CEP192: variants seen among roughly 807,000 people sequenced by gnomAD.
CEP192 encodes the protein centrosomal protein 192.
Under a neutral mutation model 271.8 loss-of-function variants are expected in CEP192, and 151 were observed. The ratio of observed to expected loss-of-function variants is 0.56; its 90% confidence interval spans 0.49 to 0.64. The LOEUF (loss-of-function observed/expected upper bound fraction) is 0.64. CEP192 is among the 30% of genes least tolerant of loss of function. CEP192 has a pLI of 0.00. For synonymous variants in CEP192, 995 were observed against 1,076.5 expected (o/e 0.92, Z 1.48); for missense variants, 2,910 against 3,020.5 (o/e 0.96, Z 0.86).
rs2034115724 is a variant in CEP192 at position 13,008,437 on chromosome 18, C to G, written c.291-19C>G. ...AGGTAACTAACATTTTATCATTCTTCTGTTTCCTAATAAAAAAGTTCTATC... is the reference window on the plus strand; with the variant it reads ...AGGTAACTAACATTTTATCATTCTTGTGTTTCCTAATAAAAAAGTTCTATC... On this transcript the variant is annotated intron_variant, in intron 3 of 44. Transcript: ENST00000506447. 6.7e-7 allele frequency: 1 copy of G among 1,483,018 alleles called. No individual in the cohort carries two copies. Among genetic ancestry groups the G allele is most frequent in the Non-Finnish European group, 9.1e-7 (1 of 1,093,630 alleles). 91.9% of individuals were successfully genotyped at this position (1,483,018 alleles called of 1,614,324 possible).
intron 40 of CEP192, among the ~76,000 whole-genome samples, chr18:13,105,807 A>T (rs914275053): frequency 1.3e-5 from 2 of 152,232 alleles, no homozygotes; most frequent in Non-Finnish European, 2.9e-5. Context: ...ACAGAAGCAA[A>T]GCAGAAGAAC....
rs746520057 is a variant in CEP192 at position 13,049,646 on chromosome 18, T to C, written c.2855T>C (p.Phe952Ser). The C allele has an allele frequency of 1.9e-6, 3 of 1,612,396 alleles. No homozygotes were observed. Among genetic ancestry groups the C allele is most frequent in the East Asian group, 2.2e-5 (1 of 44,858 alleles). Reference protein sequence around the residue: ...EISNSEKHVTFENHRIVSPKN... With the variant: ...EISNSEKHVTSENHRIVSPKN... ...AGCAACAGTGAGAAGCATGTGACTT[T>C]TGAAAACCATCGCATAGTCTCACCT... The change falls in exon 16 of 45, where the codon TTT (phenylalanine) becomes TCT (serine). Residue 952 changes from phenylalanine (F) to serine (S), a missense_variant. By Grantham distance (155) the Phe-to-Ser change is radical. Coordinates refer to ENST00000506447, the MANE Select transcript of CEP192 (RefSeq NM_032142.4).
At chr18:13,101,437 A>C (rs192353888) in intron 38 of CEP192, among the ~76,000 whole-genome samples, 26 of 152,218 alleles carry the variant, frequency 1.7e-4, no homozygotes, top group Non-Finnish European at 3.7e-4. Context: ...ATGGTGATAT[A>C]TGTACAGCAG....
rs761761327 is a variant in CEP192 at position 13,114,174 on chromosome 18, G to T, written c.7212G>T (p.Thr2404=). The change falls in exon 42 of 45, where the codon ACG becomes ACT. Residue 2404 remains threonine (T), a synonymous_variant. Transcript: ENST00000506447. ...AGCCTGAAAACGCATGCCTTTCCAC[G>T]GATTCCCTCATTAAAATAGATCATT... ...ENEPENACLS[T]DSLIKIDHLV... is the part of the protein sequence containing the mutation. 4 of 1,613,834 alleles carry T rather than the reference G, an allele frequency of 2.5e-6. No homozygotes were observed.
rs1426658911 is a variant in CEP192 at position 13,053,088 on chromosome 18, A to C, written c.3187A>C (p.Lys1063Gln). 6.3e-7 allele frequency: 1 copy of C among 1,599,878 alleles called. No individual in the cohort carries two copies. The highest frequency in any genetic ancestry group is 8.5e-7 in the Non-Finnish European group (1 of 1,173,288). Residue 1063 changes from lysine (K) to glutamine (Q), a missense_variant and splice_region_variant, in exon 18 of 45, where the codon AAG (lysine) becomes CAG (glutamine). Physicochemically the swap from Lys to Gln is moderately conservative, Grantham distance 53. Transcript: ENST00000506447. ...TATDDALEDR[K>Q]SDITSELSTT... ...CACAGATGATGCCCTGGAGGACCGC[A>C]AGGTGGGCAGCCACTTGGATTATTT... is the stretch of plus-strand genomic sequence containing the variant.
rs557246277 is a variant in CEP192 at position 13,066,220 on chromosome 18, C to T, written c.4489-1611C>T. Among the ~76,000 whole-genome samples the T allele has an allele frequency of 5.3e-5, 8 of 152,316 alleles. No individual in the cohort carries two copies. The South Asian group carries it at 1.7e-3, about 32-fold the overall frequency. On this transcript the variant is annotated intron_variant, in intron 21 of 44. Coordinates refer to ENST00000506447, the MANE Select transcript of CEP192 (RefSeq NM_032142.4). ...ACAGTTTTTACAGTCCCAACATTAACATTGTTAACAGATTTATCAAGCTAT... is the reference window on the plus strand; with the variant it reads ...ACAGTTTTTACAGTCCCAACATTAATATTGTTAACAGATTTATCAAGCTAT...
chr18:13,002,446 A>G (rs754263510), intron 3 of CEP192, among the ~76,000 whole-genome samples: 2 of 152,190 alleles, frequency 1.3e-5, no homozygotes, highest in Non-Finnish European at 2.9e-5. Context: ...CAGTTTTGCT[A>G]TTATAAAGGT....
At chr18:13,013,089 C>A in intron 5 of CEP192, 64 bp downstream of exon 5, 1 of 785,758 alleles carries the variant, frequency 1.3e-6, no homozygotes, top group South Asian at 1.8e-5. Context: ...TTTCATATTT[C>A]GCATATATAA....
Position 13,040,757 on chromosome 18 carries a change from T to C in CEP192, c.1810-73T>C, listed in dbSNP as rs2036157669. ...TGTCATTTAGCTGTTTTACCACTAT[T>C]AGATAAAACAGTCTAGAATTTCTCA... On this transcript the variant is annotated intron_variant, in intron 13 of 44. Transcript: ENST00000506447. 4 of 1,212,090 alleles carry C rather than the reference T, an allele frequency of 3.3e-6. No homozygotes were observed. The South Asian group carries it at 6.1e-5, about 18-fold the overall frequency. The allele number at this position is 1,212,090 out of a possible 1,614,324, so 75.1% of individuals were successfully genotyped here.
intron 33 of CEP192, among the ~76,000 whole-genome samples, chr18:13,090,997 C>G (rs1484291439): frequency 6.6e-6 from 1 of 152,138 alleles, no homozygotes; most frequent in Non-Finnish European, 1.5e-5. Flanking sequence ...ACACTGGATG[C>G]AGAGGTACTG....
In CEP192 at chr18:13,089,515, A is replaced by G. The variant is rs2039046451; in HGVS notation, c.6053A>G (p.Gln2018Arg). 4 of 1,607,032 alleles carry G rather than the reference A, an allele frequency of 2.5e-6. No individual in the cohort carries two copies. The South Asian group carries it at 4.4e-5, about 18-fold the overall frequency. Residue 2018 changes from glutamine to arginine, a missense_variant, in exon 33 of 45, where the codon CAA becomes CGA. By Grantham distance (43) the Gln-to-Arg change is conservative (BLOSUM62 1). Transcript: ENST00000506447. ...ATACTTCCAGAACATAGTGTGCTTC[A>G]AAACATTAATTTTGTTGAAGCATTT... ...KQILPEHSVL[Q>R]NINFVEAFQD...
At position 13,056,609 on chromosome 18, in the gene CEP192, T is replaced by C; in HGVS notation, c.4019T>C (p.Leu1340Pro). The change falls in exon 19 of 45, where the codon CTG (leucine) becomes CCG (proline). Residue 1340 changes from leucine (L) to proline (P), a missense_variant. Transcript: ENST00000506447. ...TATTCTAATACCTTAAATCAGAACC[T>C]GCTAAGCACAACAAAACCTTTTCCT... is the stretch of plus-strand genomic sequence containing the variant. Reference protein sequence around the residue: ...NPYSNTLNQNLLSTTKPFPVP... With the variant: ...NPYSNTLNQNPLSTTKPFPVP... 6.2e-7 allele frequency: 1 copy of C among 1,614,222 alleles called. No individual in the cohort carries two copies. Among genetic ancestry groups the C allele is most frequent in the Non-Finnish European group, 8.5e-7 (1 of 1,180,030 alleles).
At chr18:13,084,446 T>C (rs1036637809) in intron 30 of CEP192, among the ~76,000 whole-genome samples, 4 of 152,068 alleles carry the variant, frequency 2.6e-5, no homozygotes, top group Non-Finnish European at 5.9e-5. Context: ...CGGGATAAAA[T>C]CTCCTGGTGT....
chr18:13,075,889 C>T (rs913036910), intron 30 of CEP192, among the ~76,000 whole-genome samples: 2 of 152,288 alleles, frequency 1.3e-5, no homozygotes, highest in Admixed American at 1.3e-4. Flanking sequence ...GCAGAGCCCA[C>T]GTTTATGTAT....
At chr18:13,018,653 T>C in intron 8 of CEP192, 38 bp downstream of exon 8, 30 of 1,369,214 alleles carry the variant, frequency 2.2e-5, no homozygotes, top group Non-Finnish European at 2.9e-5. Context: ...TCTTAAGTTC[T>C]AGTTTTGACT....
intron 6 of CEP192, among the ~76,000 whole-genome samples, chr18:13,016,870 G>A (rs1335876330): frequency 2.0e-5 from 3 of 151,882 alleles, no homozygotes; most frequent in Non-Finnish European, 2.9e-5. Context: ...GTAACCATTT[G>A]CCACACCATT....
At chr18:13,123,124 A>G (rs1385080327) in intron 44 of CEP192, among the ~76,000 whole-genome samples, 1 of 152,134 alleles carries the variant, frequency 6.6e-6, no homozygotes, top group Non-Finnish European at 1.5e-5. Context: ...TTTTGGGGCT[A>G]TTTTATTATT....
At chr18:13,118,140 A>G (rs1384925495) in intron 44 of CEP192, among the ~76,000 whole-genome samples, 1 of 152,016 alleles carries the variant, frequency 6.6e-6, no homozygotes, top group Non-Finnish European at 1.5e-5. Context: ...GCTCTTGCTA[A>G]TTTTCTTTTC....
At chr18:13,060,659 A>G (rs1057430606) in intron 21 of CEP192, among the ~76,000 whole-genome samples, 2 of 152,198 alleles carry the variant, frequency 1.3e-5, no homozygotes, top group Admixed American at 6.5e-5. Flanking sequence ...GCACTGGCAC[A>G]CACCTGTAAT....
Sources: gnomAD v4.1 joint callset for allele counts (sites outside exome capture counted in the v4.1 genomes callset) on GRCh38, gnomAD v4.1.1 for gene constraint, MANE v1.5 for transcripts, NCBI Gene and HGNC (gene_info 2026-07-23, HGNC 2026-07-21) for gene names.